The following TCF4 variants were observed in gnomAD, a reference collection of about 807,000 sequenced individuals.
The protein encoded by TCF4 is SL3-3 enhancer factor 2.
In TCF4, 3 loss-of-function variants were observed where a neutral mutation model predicts 82.1. The observed-to-expected ratio is 0.04, with a 90% confidence interval of 0.02 to 0.09. The LOEUF is 0.09. TCF4 is among the 10% of genes least tolerant of loss of function. The probability of loss-of-function intolerance (pLI) is 1.00; values close to 1 mark genes in which losing one functional copy is unlikely to be tolerated. For missense variants in TCF4, 518 were observed against 852.7 expected (o/e 0.61, Z 4.89); for synonymous variants, 276 against 309.6 (o/e 0.89, Z 1.14).
At chr18:55,576,617 C>T (rs978706622) in intron 3 of TCF4, among the ~76,000 whole-genome samples, 5 of 152,084 alleles carry the variant, frequency 3.3e-5, no homozygotes, top group African/African-American at 1.2e-4. Context: ...GTCTCACTAC[C>T]TACTTGTCAA....
At chr18:55,267,457 C>A (rs2059440608) in intron 11 of TCF4, 1 of 152,074 alleles carries the variant, frequency 6.6e-6, no homozygotes, top group East Asian at 1.9e-4. Context: ...AAAAATCAAA[C>A]CAAAGCCTAA....
intron 8 of TCF4, among the ~76,000 whole-genome samples, chr18:55,326,689 G>C (rs1420169600): frequency 6.6e-6 from 1 of 152,012 alleles, no homozygotes; most frequent in Non-Finnish European, 1.5e-5. Flanking sequence ...GGAATAGGAG[G>C]TTACCCTTGT....
At chr18:55,588,437 G>A, upstream of TCF4, 1 of 1,530,808 alleles carries the variant, frequency 6.5e-7, no homozygotes, top group Non-Finnish European at 8.7e-7. Flanking sequence ...CCCCCGCCTC[G>A]CCAAAAAATA....
In TCF4 at chr18:55,582,579, T is replaced by C. The variant is rs551154542; in HGVS notation, c.145+2701A>G. 3.0e-3 allele frequency among the ~76,000 whole-genome samples: 454 copies of C among 152,236 alleles called. 2 individuals are homozygous for C. The highest frequency in any genetic ancestry group is 0.011 in the African/African-American group (439 of 41,558). On this transcript the variant is annotated intron_variant, in intron 3 of 19. Coordinates refer to ENST00000354452, the MANE Select transcript of TCF4 (RefSeq NM_001083962.2). ...TCTCCCTAGCAGCCTCACCATTTCT[T>C]AAGGTGGTAGGAAAAACCATGTTTG...
At chr18:55,275,829 T>G in intron 9 of TCF4, 77 bp from the exon 10 acceptor site, 3 of 1,549,878 alleles carry the variant, frequency 1.9e-6, no homozygotes, top group Non-Finnish European at 2.7e-6. Flanking sequence ...TTCATATACT[T>G]GAAAATGACT....
At chr18:55,634,623 T>C (rs1055216057) in intron 1 of TCF4, among the ~76,000 whole-genome samples, 1 of 152,314 alleles carries the variant, frequency 6.6e-6, no homozygotes, top group Non-Finnish European at 1.5e-5. Context: ...CTTTGTACTT[T>C]GGTGATGGGT....
chr18:55,272,467 C>T (rs1160675672), intron 10 of TCF4, among the ~76,000 whole-genome samples: 6 of 152,040 alleles, frequency 3.9e-5, no homozygotes, highest in Non-Finnish European at 5.9e-5. Context: ...AAGTGCGAGG[C>T]TTTACATGCC....
At chr18:55,580,266 A>T (rs1445884464) in intron 3 of TCF4, among the ~76,000 whole-genome samples, 1 of 152,004 alleles carries the variant, frequency 6.6e-6, no homozygotes, top group Non-Finnish European at 1.5e-5. Context: ...TGCAGATAGA[A>T]TTGAGGGTAT....
chr18:55,283,097 A>G (rs2062950148), intron 8 of TCF4, among the ~76,000 whole-genome samples: 1 of 152,166 alleles, frequency 6.6e-6, no homozygotes, highest in East Asian at 1.9e-4. Context: ...ACAATCATAC[A>G]TATAGAAATC....
At chr18:55,265,840 A>G (rs1253230619) in intron 11 of TCF4, 1 of 152,200 alleles carries the variant, frequency 6.6e-6, no homozygotes, top group Non-Finnish European at 1.5e-5. Flanking sequence ...AATCTTTAGC[A>G]TATGGTGTAT....
chr18:55,507,221 T>C (rs2096771792), intron 3 of TCF4, among the ~76,000 whole-genome samples: 1 of 152,188 alleles, frequency 6.6e-6, no homozygotes, highest in Non-Finnish European at 1.5e-5. Context: ...ATGGCTTTCT[T>C]TTGGCATATC....
chr18:55,303,293 G>A (rs2069001789), intron 8 of TCF4, among the ~76,000 whole-genome samples: 1 of 142,248 alleles, frequency 7.0e-6, no homozygotes, highest in Non-Finnish European at 1.5e-5. Context: ...CCCAGCTACT[G>A]GCAATGGGTG....
chr18:55,623,373 G>A (rs776049594), intron 2 of TCF4, among the ~76,000 whole-genome samples: 7 of 152,134 alleles, frequency 4.6e-5, no homozygotes, highest in African/African-American at 1.7e-4. Flanking sequence ...CATTATGATC[G>A]TAGTGTCTAC....
chr18:55,321,324 C>A, intron 8 of TCF4: 1 of 284,310 alleles, frequency 3.5e-6, no homozygotes, highest in Non-Finnish European at 6.8e-6. Context: ...TCCTTTCTAA[C>A]AGTCATTTGG....
At chr18:55,558,313 G>T (rs928143991) in intron 3 of TCF4, among the ~76,000 whole-genome samples, 1 of 152,122 alleles carries the variant, frequency 6.6e-6, no homozygotes, top group African/African-American at 2.4e-5. Flanking sequence ...ATTTTATGAT[G>T]CTGTATCTTC....
At chr18:55,393,304 C>T (rs2093288733) in intron 6 of TCF4, among the ~76,000 whole-genome samples, 1 of 151,950 alleles carries the variant, frequency 6.6e-6, no homozygotes, top group Admixed American at 6.6e-5. Flanking sequence ...TTCAAGGTTG[C>T]AGTGAGCTAT....
At chr18:55,468,886 C>CG (rs1568136618) in intron 3 of TCF4, among the ~76,000 whole-genome samples, 9 of 122,702 alleles carry the variant, frequency 7.3e-5, no homozygotes, top group Admixed American at 1.6e-4. Flanking sequence ...TTCTCGCCCC[C>CG]CCCCCCCTTG....
chr18:55,425,568 G>T (rs900404657), intron 5 of TCF4, among the ~76,000 whole-genome samples: 1 of 150,788 alleles, frequency 6.6e-6, no homozygotes, highest in Non-Finnish European at 1.5e-5. Flanking sequence ...TGTAGGAAGG[G>T]ATCACCTTGT....
chr18:55,442,076 A>C (rs2095447187), intron 5 of TCF4, among the ~76,000 whole-genome samples: 1 of 152,256 alleles, frequency 6.6e-6, no homozygotes, highest in Non-Finnish European at 1.5e-5. Context: ...GAACTATAAT[A>C]GCCTGAAAAG....
Sources: allele counts gnomAD v4.1 joint callset (sites outside exome capture counted in the v4.1 genomes callset), GRCh38; gene constraint gnomAD v4.1.1; transcripts MANE v1.5; gene names NCBI Gene and HGNC (gene_info 2026-07-23, HGNC 2026-07-21).